USP40: variants seen among roughly 807,000 people sequenced by gnomAD.
USP40 encodes the protein ubiquitin specific peptidase 40.
A neutral mutation model predicts 166.2 loss-of-function variants in USP40; 143 were observed. The ratio of observed to expected loss-of-function variants is 0.86; its 90% CI spans 0.75 to 0.99. The LOEUF (loss-of-function observed/expected upper bound fraction) is 0.99. Ranked by LOEUF, USP40 falls within the 50% of genes least tolerant of loss-of-function variation. The pLI, the probability that USP40 is intolerant of heterozygous loss-of-function variation, is 0.00. For missense variants in USP40, 1,444 were observed against 1,479.7 expected (o/e 0.98, Z 0.40); for synonymous variants, 498 against 524.0 (o/e 0.95, Z 0.68).
At chr2:233,529,543 T>G in intron 11 of USP40, 31 bp from the exon 12 acceptor site, 11 of 1,529,182 alleles carry the variant, frequency 7.2e-6, no homozygotes, top group Non-Finnish European at 9.8e-6. Context: ...TAACTTGTGT[T>G]GGCTAAATGA....
chr2:233,565,161 C>T (rs150789319), intron 2 of USP40, among the ~76,000 whole-genome samples, 195 bp downstream of exon 2: 13 of 152,032 alleles, frequency 8.6e-5, no homozygotes, highest in African/African-American at 3.1e-4. Flanking sequence ...TTGTCATCAC[C>T]CAGGATATAT....
chr2:233,483,326 C>T (rs1389363466), intron 30 of USP40, among the ~76,000 whole-genome samples: 2 of 152,026 alleles, frequency 1.3e-5, no homozygotes, highest in South Asian at 4.1e-4. Flanking sequence ...CCCGTCTCTA[C>T]CAAAAATACA....
rs186231861 is a variant in USP40 at position 233,476,206 on chromosome 2, G to C, written c.*1186C>G. Reference sequence around the variant, plus strand: ...AGGCAGGGGAGCGCCTGACTCCAGCGGTGTCCTTTCTGCCCTCACACTTCA... The same window carrying C: ...AGGCAGGGGAGCGCCTGACTCCAGCCGTGTCCTTTCTGCCCTCACACTTCA... On this transcript the variant is annotated 3_prime_UTR_variant, in exon 32 of 32. Transcript: ENST00000678225. 1 of 152,304 alleles carries C rather than the reference G, an allele frequency of 6.6e-6. No homozygotes were observed. The highest frequency in any genetic ancestry group is 2.4e-5 in the African/African-American group (1 of 41,420). 9.4% of individuals were successfully genotyped at this position (152,304 alleles called of 1,614,324 possible). A position where few individuals can be genotyped will look rare whatever the true frequency, so the allele number is the denominator to read the frequency against.
At position 233,481,296 on chromosome 2, in the gene USP40, T is replaced by G. The variant is rs759565481; in HGVS notation, c.3506A>C (p.Asn1169Thr). 6.3e-7 allele frequency: 1 copy of G among 1,593,436 alleles called. No homozygotes were observed. The highest frequency in any genetic ancestry group is 1.8e-5 in the Admixed American group (1 of 57,008). Residue 1169 changes from asparagine (N) to threonine (T), a missense_variant and splice_region_variant, in exon 31 of 32, where the codon AAT becomes ACT. Transcript: ENST00000678225. ...LKDGDTIGVK[N>T]LLIDDDDDFS... is the part of the protein sequence containing the mutation. ...ATCATCATCGTCGTCAATCAGGAGATTCTACATTTCAAAAGAAGTAATGAG... is the reference window on the plus strand; with the variant it reads ...ATCATCATCGTCGTCAATCAGGAGAGTCTACATTTCAAAAGAAGTAATGAG...
At chr2:233,498,447 G>GAAAGTA in intron 23 of USP40, 101 bp downstream of exon 23, 1 of 1,032,978 alleles carries the variant, frequency 9.7e-7, no homozygotes, top group South Asian at 1.6e-5. Context: ...GTATCCTATA[G>GAAAGTA]AAAGTAATTA....
At position 233,556,924 on chromosome 2, in the gene USP40, A is replaced by G. The variant is rs1002121213; in HGVS notation, c.477T>C (p.Tyr159=). Residue 159 remains tyrosine (Y), a synonymous_variant, in exon 5 of 32, where the codon TAT becomes TAC. Coordinates refer to ENST00000678225, the MANE Select transcript of USP40 (RefSeq NM_001365479.2). ...LVGTSGHDLI[Y]RLYHGTIVNQ... ...TAACAATGGTTCCATGGTACAGACG[A>G]TAGATGAGGTCATGACCGGAGGTCC... The G allele has an allele frequency of 1.2e-6, 2 of 1,613,898 alleles. No homozygotes were observed. Among genetic ancestry groups the G allele is most frequent in the Non-Finnish European group, 8.5e-7 (1 of 1,179,882 alleles).
At chr2:233,529,791 C>CTTTT (rs1451072535) in intron 11 of USP40, among the ~76,000 whole-genome samples, 1 of 132,590 alleles carries the variant, frequency 7.5e-6, no homozygotes, top group Non-Finnish European at 1.6e-5. Flanking sequence ...AGATTTTCAT[C>CTTTT]TTTTTTTTTT....
rs2071517684 is a variant in USP40 at position 233,560,816 on chromosome 2, G to A, written c.268-892C>T. ...TAGCCTCTATTTTTTTTTGTGTGGG[G>A]TGGAGAGGTCGGTATTGTTGCAAAA... On this transcript the variant is annotated intron_variant, in intron 3 of 31. Coordinates refer to ENST00000678225, the MANE Select transcript of USP40 (RefSeq NM_001365479.2). 5 of 501,590 alleles carry A rather than the reference G, an allele frequency of 1.0e-5. No individual in the cohort carries two copies. The South Asian group carries it at 1.6e-4, about 16-fold the overall frequency. 31.1% of individuals were successfully genotyped at this position (501,590 alleles called of 1,614,324 possible).
chr2:233,542,516 C>A lies in USP40; in HGVS notation c.967-153G>T, dbSNP rs2069517239. ...GCTTGAGCCAGGAGTTCAAGACCAG[C>A]CTGGGCAACATAGAGAGACCAGCAC... On this transcript the variant is annotated intron_variant, in intron 8 of 31. Coordinates refer to ENST00000678225, the MANE Select transcript of USP40 (RefSeq NM_001365479.2). The A allele has an allele frequency of 1.3e-5, 7 of 553,730 alleles. No homozygotes were observed. The South Asian group carries it at 1.5e-4, about 12-fold the overall frequency. The allele number at this position is 553,730 out of a possible 1,614,324, so 34.3% of individuals were successfully genotyped here.
intron 13 of USP40, among the ~76,000 whole-genome samples, chr2:233,526,090 G>A (rs2068005786): frequency 6.6e-6 from 1 of 152,098 alleles, no homozygotes; most frequent in Admixed American, 6.6e-5. Context: ...TGAGCACTGT[G>A]GCAAGGTCAC....
intron 11 of USP40, among the ~76,000 whole-genome samples, chr2:233,531,860 G>A (rs1228953745): frequency 6.6e-6 from 1 of 152,138 alleles, no homozygotes; most frequent in Non-Finnish European, 1.5e-5. Context: ...AGAAGTGATC[G>A]AAAAATCTTA....
Position 233,480,781 on chromosome 2 carries a change from G to A in USP40, c.3599+422C>T, listed in dbSNP as rs931762779. 1.4e-4 allele frequency among the ~76,000 whole-genome samples: 21 copies of A among 152,154 alleles called. No homozygotes were observed. The highest frequency in any genetic ancestry group is 4.8e-4 in the African/African-American group (20 of 41,430). On this transcript the variant is annotated intron_variant, in intron 31 of 31. Transcript: ENST00000678225. This position sits in a 1 kb window ranked among gnomAD's most constrained non-coding sequence, Gnocchi z 4.5. ...CGTCCCCTGGAGTGGCCAGGCTCTC[G>A]GGAACCTTGGAGAGAGCGGGAGAAG...
chr2:233,540,606 C>T (rs564604529), intron 10 of USP40, 56 bp downstream of exon 10: 33 of 1,061,728 alleles, frequency 3.1e-5, no homozygotes, highest in East Asian at 1.0e-4. Flanking sequence ...CATGTTGTTG[C>T]GATCATAATG....
At position 233,480,426 on chromosome 2, in the gene USP40, C is replaced by T. The variant is rs769896435; in HGVS notation, c.3599+777G>A. ...TGAGGCCTGCATGGAGCTGATGCCA[C>T]GGGCAGGTCCTGGGACTTGTGGTGG... On this transcript the variant is annotated intron_variant, in intron 31 of 31. Transcript: ENST00000678225. The surrounding 1 kb of genome is among the most constrained non-coding windows in gnomAD (Gnocchi z 4.5). Among the ~76,000 whole-genome samples, 6 of 152,162 alleles carry T rather than the reference C, an allele frequency of 3.9e-5. No homozygotes were observed. Among genetic ancestry groups the T allele is most frequent in the African/African-American group, 1.2e-4 (5 of 41,440 alleles).
At chr2:233,478,808 T>C (rs894741590) in intron 31 of USP40, among the ~76,000 whole-genome samples, 2 of 151,844 alleles carry the variant, frequency 1.3e-5, no homozygotes, top group Admixed American at 1.3e-4. Context: ...CCAAGAAAGT[T>C]CTGGTCAAAA....
rs535553456 is a variant in USP40, at chr2:233,485,686, C to T, written c.3409-60G>A. 69 of 1,601,296 alleles carry T rather than the reference C, an allele frequency of 4.3e-5. No individual in the cohort carries two copies. In the South Asian group the frequency reaches 7.7e-4, roughly 18 times the overall value. On this transcript the variant is annotated intron_variant, in intron 29 of 31. Coordinates refer to ENST00000678225, the MANE Select transcript of USP40 (RefSeq NM_001365479.2). ...CTCAACCTCAAGTTCTCACTAACTT[C>T]TCTATCACTGTGAAAAATTGCATAA...
At chr2:233,545,743 G>A (rs984546118) in intron 8 of USP40, 4 of 224,066 alleles carry the variant, frequency 1.8e-5, no homozygotes, top group Admixed American at 4.1e-5. Context: ...ATGTATGCAG[G>A]GCACAGCTCC....
At chr2:233,515,584 T>A (rs1349606604) in intron 18 of USP40, among the ~76,000 whole-genome samples, 1 of 152,150 alleles carries the variant, frequency 6.6e-6, no homozygotes, top group Non-Finnish European at 1.5e-5. Context: ...TCTTTAATAT[T>A]CTGAATGTAA....
At chr2:233,494,942 A>ATT (rs2065614200) in intron 24 of USP40, among the ~76,000 whole-genome samples, 5 of 57,292 alleles carry the variant, frequency 8.7e-5, no homozygotes, top group African/African-American at 4.6e-4. Flanking sequence ...ATATATATAT[A>ATT]TATATATATA....
Sources: gnomAD v4.1 joint callset for allele counts (sites outside exome capture counted in the v4.1 genomes callset) on GRCh38, gnomAD v4.1.1 for gene constraint, Gnocchi (gnomAD v3.1) non-coding constraint, MANE v1.5 for transcripts, NCBI Gene and HGNC (gene_info 2026-07-23, HGNC 2026-07-21) for gene names.